The following ISOC1 variants were observed in gnomAD, a reference collection of about 807,000 sequenced individuals.
ISOC1 encodes the protein isochorismatase domain-containing protein 1.
A neutral mutation model predicts 30.0 loss-of-function variants in ISOC1; 33 were observed. That is an observed-to-expected ratio of 1.10 (90% CI 0.83 to 1.47). ISOC1 has a LOEUF of 1.47. Among genes scored for constraint, ISOC1 ranks in the 40% most tolerant of loss-of-function variants. ISOC1 has a pLI of 0.00. For synonymous variants in ISOC1, 178 were observed against 159.8 expected (o/e 1.11, Z -0.86); for missense variants, 372 against 388.0 (o/e 0.96, Z 0.35).
chr5:129,095,565 C>T (rs1753487353), intron 1 of ISOC1, among the ~76,000 whole-genome samples: 1 of 152,094 alleles, frequency 6.6e-6, no homozygotes, highest in Non-Finnish European at 1.5e-5. Flanking sequence ...AAACCCATTC[C>T]CCCCCGCCTT....
Position 129,094,862 on chromosome 5 carries a change from C to G in ISOC1, c.96C>G (p.Phe32Leu), listed in dbSNP as rs781580106. The stretch of plus-strand genomic sequence containing the variant: ...GCACAGTCCCGGTGCTCTTCTGTTT[C>G]TCAGTCTTCGCGCGACCCTCGTCGG... ...PSGTVPVLFC[F>L]SVFARPSSVP... is the part of the protein sequence containing the mutation. The change falls in exon 1 of 5, where the codon TTC (phenylalanine) becomes TTG (leucine). Residue 32 changes from phenylalanine (F) to leucine (L), a missense_variant. Coordinates refer to ENST00000173527, the MANE Select transcript of ISOC1 (RefSeq NM_016048.2). 6 of 1,586,638 alleles carry G rather than the reference C, an allele frequency of 3.8e-6. No homozygotes were observed. Among genetic ancestry groups the G allele is most frequent in the Non-Finnish European group, 5.1e-6 (6 of 1,168,590 alleles).
intron 4 of ISOC1, among the ~76,000 whole-genome samples, chr5:129,109,563 T>C (rs372680278): frequency 5.3e-5 from 8 of 152,252 alleles, no homozygotes; most frequent in African/African-American, 1.7e-4. Flanking sequence ...GAATCTGTTG[T>C]CTGGGGTGGA....
intron 1 of ISOC1, among the ~76,000 whole-genome samples, chr5:129,104,155 T>G (rs901192018): frequency 6.6e-6 from 1 of 152,180 alleles, no homozygotes; most frequent in Non-Finnish European, 1.5e-5. Flanking sequence ...GGTCTCTTCC[T>G]TGTGAAGTAA....
intron 1 of ISOC1, among the ~76,000 whole-genome samples, chr5:129,096,481 G>C (rs1753502623): frequency 6.6e-6 from 1 of 152,188 alleles, no homozygotes; most frequent in African/African-American, 2.4e-5. Flanking sequence ...GACAAAGTCA[G>C]AGACTGCACT....
In ISOC1 at chr5:129,107,082, AT is replaced by A. The variant is rs1753647684; in HGVS notation, c.750+21del. Reference sequence around the variant, plus strand: ...CTCGAGGTAATTGTCCTGCTTGGGAATAGATCATTTGTCAAGTTTTCCAAAT... The same window carrying A: ...CTCGAGGTAATTGTCCTGCTTGGGAAAGATCATTTGTCAAGTTTTCCAAAT... On this transcript the variant is annotated intron_variant, in intron 4 of 4. Coordinates refer to ENST00000173527, the MANE Select transcript of ISOC1 (RefSeq NM_016048.2). The A allele has an allele frequency of 2.6e-6, 4 of 1,568,626 alleles. No homozygotes were observed. Among genetic ancestry groups the A allele is most frequent in the Non-Finnish European group, 3.5e-6 (4 of 1,139,188 alleles).
At chr5:129,110,452 T>A (rs1005823949) in intron 4 of ISOC1, among the ~76,000 whole-genome samples, 1 of 152,084 alleles carries the variant, frequency 6.6e-6, no homozygotes, top group Non-Finnish European at 1.5e-5. Flanking sequence ...GCAGGCATTG[T>A]GGGAATGGCT....
At chr5:129,095,110 C>A in intron 1 of ISOC1, 35 bp downstream of exon 1, 3 of 1,500,670 alleles carry the variant, frequency 2.0e-6, no homozygotes, top group South Asian at 1.3e-5. Context: ...CTTCCCTGTT[C>A]CCGAGTCGTC....
intron 1 of ISOC1, 125 bp from the exon 2 acceptor site, chr5:129,104,831 A>G (rs944568936): frequency 1.2e-6 from 1 of 862,050 alleles, no homozygotes; most frequent in East Asian, 2.6e-5. Context: ...TTTTTGGATA[A>G]TAGCGGTAGA....
At chr5:129,108,804 G>A (rs1044243233) in intron 4 of ISOC1, among the ~76,000 whole-genome samples, 11 of 152,144 alleles carry the variant, frequency 7.2e-5, no homozygotes, top group Non-Finnish European at 1.6e-4. Context: ...GAACCACTGT[G>A]CCCGGTCAGA....
intron 3 of ISOC1, among the ~76,000 whole-genome samples, chr5:129,106,148 C>T (rs1390755591): frequency 6.6e-6 from 1 of 152,112 alleles, no homozygotes; most frequent in Non-Finnish European, 1.5e-5. Flanking sequence ...TGGCTTTGCA[C>T]CTTTTTTGCT....
chr5:129,102,625 T>G (rs1378277455), intron 1 of ISOC1, among the ~76,000 whole-genome samples: 1 of 152,244 alleles, frequency 6.6e-6, no homozygotes, highest in South Asian at 2.1e-4. Flanking sequence ...TTAACAGTTT[T>G]CTTAATGAGT....
intron 4 of ISOC1, 43 bp downstream of exon 4, chr5:129,107,105 A>G: frequency 6.8e-7 from 1 of 1,462,664 alleles, no homozygotes; most frequent in Non-Finnish European, 9.6e-7. Context: ...CAAGTTTTCC[A>G]AATAAATGAG....
chr5:129,104,699 A>T (rs184797248), intron 1 of ISOC1, among the ~76,000 whole-genome samples: 1 of 152,028 alleles, frequency 6.6e-6, no homozygotes, highest in South Asian at 2.1e-4. Context: ...TGTCATGTGA[A>T]TGTGTTAAAA....
At position 129,112,829 on chromosome 5, in the gene ISOC1, G is replaced by T. The variant is rs112381771; in HGVS notation, c.751-26G>T. ...GTGTTCATTCTCATGCTTATTTCTT[G>T]ATTTGCCTTTATCTTTTTGTTCAAG... On this transcript the variant is annotated intron_variant, in intron 4 of 4. Transcript: ENST00000173527. The T allele has an allele frequency of 0.017, 27,401 of 1,605,794 alleles. 316 individuals carry two copies. Among genetic ancestry groups the T allele is most frequent in the South Asian group, 0.028 (2,512 of 89,684 alleles).
chr5:129,105,109 G>C, intron 2 of ISOC1, 34 bp downstream of exon 2: 1 of 1,613,482 alleles, frequency 6.2e-7, no homozygotes, highest in Non-Finnish European at 8.5e-7. Context: ...CATATTTGCT[G>C]AATCATCATA....
intron 1 of ISOC1, among the ~76,000 whole-genome samples, chr5:129,103,065 G>A (rs917345379): frequency 6.6e-6 from 1 of 152,192 alleles, no homozygotes; most frequent in South Asian, 2.1e-4. Flanking sequence ...TGGCTTACTT[G>A]CATTATGGTT....
intron 1 of ISOC1, among the ~76,000 whole-genome samples, chr5:129,103,228 T>G (rs146493675): frequency 4.6e-5 from 7 of 152,254 alleles, no homozygotes; most frequent in Non-Finnish European, 7.4e-5. Context: ...TAGTGATTGG[T>G]TTTTAAAATA....
intron 3 of ISOC1, among the ~76,000 whole-genome samples, chr5:129,106,265 C>T (rs1371037369): frequency 6.6e-6 from 1 of 152,130 alleles, no homozygotes; most frequent in Non-Finnish European, 1.5e-5. Context: ...ACGCTCTTGT[C>T]ATGTGAAGAT....
Position 129,105,199 on chromosome 5 carries a change from G to T in ISOC1, c.444G>T (p.Arg148=). Residue 148 remains arginine (R), a synonymous_variant, in exon 3 of 5, where the codon CGG becomes CGT. Coordinates refer to ENST00000173527, the MANE Select transcript of ISOC1 (RefSeq NM_016048.2). ...SVGQRLLQGA[R]ILGIPVIVTE... ...TTTTTTTTCAGTTGCAAGGGGCCCG[G>T]ATTTTAGGAATTCCTGTTATTGTAA... 1 of 1,613,616 alleles carries T rather than the reference G, an allele frequency of 6.2e-7. No homozygotes were observed. The highest frequency in any genetic ancestry group is 8.5e-7 in the Non-Finnish European group (1 of 1,179,792).
Sources: allele counts gnomAD v4.1 joint callset (sites outside exome capture counted in the v4.1 genomes callset), GRCh38; gene constraint gnomAD v4.1.1; transcripts MANE v1.5; gene names NCBI Gene and HGNC (gene_info 2026-07-23, HGNC 2026-07-21).